Variants in CNTN5 observed in about 807,000 individuals in gnomAD.
CNTN5 encodes contactin 5, also known as contactin-5.
Under a neutral mutation model 129.1 loss-of-function variants are expected in CNTN5, and 77 were observed. The observed-to-expected ratio is 0.60, with a 90% CI of 0.50 to 0.72. The LOEUF is 0.72. Ranked by LOEUF, CNTN5 falls within the 30% of genes least tolerant of loss-of-function variation. The probability of loss-of-function intolerance (pLI) is 0.00; values close to 1 mark genes in which losing one functional copy is unlikely to be tolerated. For missense variants in CNTN5, 1,478 were observed against 1,328.8 expected (o/e 1.11, Z -1.75); for synonymous variants, 509 against 465.6 (o/e 1.09, Z -1.20).
At chr11:99,653,532 G>T (rs1453067355) in intron 3 of CNTN5, among the ~76,000 whole-genome samples, 1 of 151,954 alleles carries the variant, frequency 6.6e-6, no homozygotes, top group Non-Finnish European at 1.5e-5. Context: ...GGTGACAATA[G>T]CTAGGAAAAC....
At position 99,636,023 on chromosome 11, in the gene CNTN5, G is replaced by A. The variant is rs188752346; in HGVS notation, c.55+79754G>A. On this transcript the variant is annotated intron_variant, in intron 3 of 24. Transcript: ENST00000524871. ...AAAATTTAATTAAAATTTATTTTTA[G>A]TCTCTTGAATATGCTTCATTCTTAA... Among the ~76,000 whole-genome samples the A allele has an allele frequency of 5.3e-4, 80 of 152,124 alleles. No individual in the cohort carries two copies. In the East Asian group the frequency reaches 0.013, roughly 25 times the overall value.
chr11:99,392,399 G>A (rs1457299810), intron 2 of CNTN5, among the ~76,000 whole-genome samples: 1 of 151,532 alleles, frequency 6.6e-6, no homozygotes, highest in African/African-American at 2.4e-5. Context: ...CTCCTTCATA[G>A]GATTTAGATG....
chr11:99,203,926 A>C (rs1232735039), intron 1 of CNTN5, among the ~76,000 whole-genome samples: 1 of 152,158 alleles, frequency 6.6e-6, no homozygotes, highest in Non-Finnish European at 1.5e-5. Context: ...GGCAAGTGCC[A>C]TTCCATCTAT....
intron 8 of CNTN5, among the ~76,000 whole-genome samples, chr11:99,970,413 A>G (rs1347726599): frequency 6.6e-6 from 1 of 152,246 alleles, no homozygotes; most frequent in Non-Finnish European, 1.5e-5. Flanking sequence ...AATTTGGTTT[A>G]AAATACATTG....
intron 1 of CNTN5, among the ~76,000 whole-genome samples, chr11:99,205,467 C>T (rs979682065): frequency 8.5e-5 from 13 of 152,058 alleles, no homozygotes; most frequent in African/African-American, 1.9e-4. Flanking sequence ...GTTTCTTCCT[C>T]GGTTTTCTCT....
At chr11:99,215,370 T>G (rs1288454062) in intron 1 of CNTN5, among the ~76,000 whole-genome samples, 1 of 152,062 alleles carries the variant, frequency 6.6e-6, no homozygotes, top group African/African-American at 2.4e-5. Context: ...TATTAGAGGT[T>G]TTGCTTGGAT....
chr11:99,702,888 GT>G (rs746175056), intron 3 of CNTN5, among the ~76,000 whole-genome samples: 1 of 150,938 alleles, frequency 6.6e-6, no homozygotes, highest in African/African-American at 2.4e-5. Context: ...ATTTTTGTTT[GT>G]GAGATAGCCT....
intron 4 of CNTN5, among the ~76,000 whole-genome samples, chr11:99,823,146 G>T (rs1460745411): frequency 2.0e-5 from 3 of 152,200 alleles, no homozygotes; most frequent in Non-Finnish European, 4.4e-5. Flanking sequence ...ACAGAGCAAG[G>T]GTTGAGCCAC....
chr11:99,894,867 C>T (rs1444897494), intron 6 of CNTN5, among the ~76,000 whole-genome samples: 2 of 152,148 alleles, frequency 1.3e-5, no homozygotes, highest in African/African-American at 4.8e-5. Flanking sequence ...ATTAGCTCTG[C>T]TTACTGAAAA....
rs1229845271 is a variant in CNTN5, at chr11:99,930,107, A to G, written c.673+13958A>G. On this transcript the variant is annotated intron_variant, in intron 7 of 24. Coordinates refer to ENST00000524871, the MANE Select transcript of CNTN5 (RefSeq NM_014361.4). ...ATCGCAGTATGTAGAGTGACTTGCC[A>G]GTGTCTGGGAGGGGCCACATGCATC... is the stretch of plus-strand genomic sequence containing the variant. Among the ~76,000 whole-genome samples, 3 of 152,160 alleles carry G rather than the reference A, an allele frequency of 2.0e-5. No individual in the cohort carries two copies. The East Asian group carries it at 5.8e-4, about 29-fold the overall frequency.
chr11:99,884,474 T>G (rs1948847573), intron 6 of CNTN5, among the ~76,000 whole-genome samples: 1 of 152,118 alleles, frequency 6.6e-6, no homozygotes, highest in African/African-American at 2.4e-5. Context: ...AAGAGTAGAA[T>G]AGACATTGTT....
intron 2 of CNTN5, among the ~76,000 whole-genome samples, chr11:99,414,462 T>A (rs1942549667): frequency 6.6e-6 from 1 of 151,482 alleles, no homozygotes; most frequent in South Asian, 2.1e-4. Context: ...TGTGTATGTA[T>A]GCAGAATATA....
At chr11:100,200,664 T>A (rs1400637868) in intron 15 of CNTN5, among the ~76,000 whole-genome samples, 1 of 151,850 alleles carries the variant, frequency 6.6e-6, no homozygotes. Context: ...GATCAATACC[T>A]TGGATTCTGT....
At position 100,340,459 on chromosome 11, in the gene CNTN5, A is replaced by T. The variant is rs778736705; in HGVS notation, c.2731-4A>T. On this transcript the variant is annotated splice_region_variant and splice_polypyrimidine_tract_variant and intron_variant, in intron 21 of 24. Coordinates refer to ENST00000524871, the MANE Select transcript of CNTN5 (RefSeq NM_014361.4). ...TAACCTGCCATGTGATAATTTGTTG[A>T]TAGGTTGGTTACTGGAAAGACATGG... 6.2e-7 allele frequency: 1 copy of T among 1,600,470 alleles called. No homozygotes were observed. Among genetic ancestry groups the T allele is most frequent in the South Asian group, 1.1e-5 (1 of 89,070 alleles).
intron 13 of CNTN5, among the ~76,000 whole-genome samples, chr11:100,117,857 C>T (rs954932678): frequency 1.8e-4 from 28 of 151,596 alleles, no homozygotes; most frequent in Admixed American, 1.8e-3. Context: ...AATTGAATAC[C>T]GTACTTCTCC....
intron 3 of CNTN5, among the ~76,000 whole-genome samples, chr11:99,573,905 AATT>A (rs1159424640): frequency 1.3e-5 from 2 of 152,198 alleles, no homozygotes; most frequent in South Asian, 4.2e-4. Context: ...TCAAAGCTAA[AATT>A]ATTATTATTT....
chr11:99,989,338 TC>T, intron 8 of CNTN5, among the ~76,000 whole-genome samples: 1 of 152,294 alleles, frequency 6.6e-6, no homozygotes, highest in East Asian at 1.9e-4. Flanking sequence ...CACTTTGCTT[TC>T]AAAGAAGTGT....
intron 2 of CNTN5, among the ~76,000 whole-genome samples, chr11:99,445,077 A>G (rs1944006338): frequency 1.3e-5 from 2 of 148,228 alleles, no homozygotes; most frequent in African/African-American, 4.9e-5. Flanking sequence ...TATATACACA[A>G]TTATATTTAT....
intron 7 of CNTN5, among the ~76,000 whole-genome samples, chr11:99,934,677 G>C (rs912522960): frequency 6.6e-6 from 1 of 151,890 alleles, no homozygotes; most frequent in Non-Finnish European, 1.5e-5. Flanking sequence ...CTGAGGTCAG[G>C]AGTTCAAGGC....
Sources: allele counts gnomAD v4.1 joint callset (sites outside exome capture counted in the v4.1 genomes callset), GRCh38; gene constraint gnomAD v4.1.1; transcripts MANE v1.5; gene names NCBI Gene and HGNC (gene_info 2026-07-23, HGNC 2026-07-21).